The following METTL22 variants were observed in gnomAD, a reference collection of about 807,000 sequenced individuals.
METTL22 encodes methyltransferase-like protein 22.
In METTL22, 51 loss-of-function variants were observed where a neutral mutation model predicts 48.4. The ratio of observed to expected loss-of-function variants is 1.05; its 90% CI spans 0.84 to 1.33. The LOEUF (loss-of-function observed/expected upper bound fraction) is 1.33. Ranked by LOEUF, METTL22 falls within the 40% of genes most tolerant of loss-of-function variation. The probability of loss-of-function intolerance (pLI) is 0.00; values close to 1 mark genes in which losing one functional copy is unlikely to be tolerated. For synonymous variants in METTL22, 255 were observed against 214.1 expected (o/e 1.19, Z -1.67); for missense variants, 678 against 526.9 (o/e 1.29, Z -2.81).
intron 3 of METTL22, among the ~76,000 whole-genome samples, chr16:8,632,854 G>A (rs1407473778): frequency 1.3e-5 from 2 of 152,182 alleles, no homozygotes; most frequent in Non-Finnish European, 2.9e-5. Context: ...TCCCTCAAGG[G>A]AAGCTAGCCA....
intron 1 of METTL22, among the ~76,000 whole-genome samples, chr16:8,623,089 G>A (rs980641025): frequency 2.0e-5 from 3 of 152,014 alleles, no homozygotes; most frequent in African/African-American, 7.2e-5. Context: ...CAAGGTAGAT[G>A]GATCTACCTT....
the METTL22 span, among the ~76,000 whole-genome samples, chr16:8,660,733 G>A: frequency 3.3e-5 from 5 of 149,270 alleles, no homozygotes; most frequent in African/African-American, 9.9e-5. Flanking sequence ...GAATGAGGGC[G>A]GTCGCTGCTT....
the METTL22 span, among the ~76,000 whole-genome samples, chr16:8,657,818 T>G: frequency 7.0e-6 from 1 of 143,576 alleles, no homozygotes; most frequent in Non-Finnish European, 1.5e-5. Context: ...TTCTTTTCTT[T>G]TCTTTCTTTT....
downstream of METTL22, among the ~76,000 whole-genome samples, chr16:8,653,248 G>A (rs1334333524): frequency 1.3e-5 from 2 of 152,278 alleles, no homozygotes; most frequent in South Asian, 4.2e-4. Flanking sequence ...ACAGTTTTGT[G>A]AATTTTAACC....
the METTL22 span, chr16:8,667,054 C>G: frequency 6.6e-6 from 1 of 152,120 alleles, no homozygotes; most frequent in South Asian, 2.1e-4. Context: ...CCTCAGCCCC[C>G]AAAAGTGCTG....
chr16:8,648,284 AC>A lies in METTL22; in HGVS notation c.*2142del, dbSNP rs2056839351. 1 of 150,208 alleles carries A rather than the reference AC, an allele frequency of 6.7e-6. No individual in the cohort carries two copies. Among genetic ancestry groups the A allele is most frequent in the African/African-American group, 2.5e-5 (1 of 40,586 alleles). The allele number at this position is 150,208 out of a possible 1,614,324, so 9.3% of individuals were successfully genotyped here. The stretch of plus-strand genomic sequence containing the variant: ...AAGGTTGCAGTGAGCCAAGATCGCA[AC>A]ACTGCCCTCCAGCCTGGGCAACAGA... On this transcript the variant is annotated 3_prime_UTR_variant, in exon 11 of 11. Transcript: ENST00000381920.
intron 5 of METTL22, among the ~76,000 whole-genome samples, chr16:8,638,575 G>T (rs2056494348): frequency 6.6e-6 from 1 of 152,102 alleles, no homozygotes; most frequent in Non-Finnish European, 1.5e-5. Flanking sequence ...TCTGCTCTGT[G>T]TTCTGACGAA....
intron 10 of METTL22, 73 bp downstream of exon 10, chr16:8,644,798 A>T (rs777918782): frequency 2.0e-5 from 28 of 1,418,582 alleles, no homozygotes; most frequent in Non-Finnish European, 2.4e-5. Context: ...CAAAGAGGTG[A>T]TGAAGCAAGC....
downstream of METTL22, among the ~76,000 whole-genome samples, chr16:8,653,206 G>T (rs1324957440): frequency 6.6e-6 from 1 of 152,188 alleles, no homozygotes; most frequent in Non-Finnish European, 1.5e-5. Context: ...TCTAACACTA[G>T]TTACTGATAA....
At chr16:8,666,764 T>TTTTCTTTC in the METTL22 span, 62 of 146,528 alleles carry the variant, frequency 4.2e-4, no homozygotes, top group African/African-American at 1.4e-3. Flanking sequence ...CCTGATTTTC[T>TTTTCTTTC]TTTCTTTCTT....
Position 8,629,105 on chromosome 16 carries a change from G to A in METTL22, c.509G>A (p.Arg170Lys). The A allele has an allele frequency of 1.9e-6, 3 of 1,612,142 alleles. No individual in the cohort carries two copies. The highest frequency in any genetic ancestry group is 2.5e-6 in the Non-Finnish European group (3 of 1,179,544). The change falls in exon 3 of 11, where the codon AGA becomes AAA. Residue 170 changes from arginine to lysine, a missense_variant. Physicochemically the swap from Arg to Lys is conservative, Grantham distance 26. Coordinates refer to ENST00000381920, the MANE Select transcript of METTL22 (RefSeq NM_024109.4). ...EAQGSPHDII[R>K]IEHTMATPLE... Reference sequence around the variant, plus strand: ...CAAGGCAGCCCGCACGATATCATCAGAATAGGTAAATAGAGGTGTGATGTG... The same window carrying A: ...CAAGGCAGCCCGCACGATATCATCAAAATAGGTAAATAGAGGTGTGATGTG...
At chr16:8,641,332 G>A (rs1232278330) in intron 7 of METTL22, 148 bp downstream of exon 7, 15 of 771,404 alleles carry the variant, frequency 1.9e-5, no homozygotes, top group Admixed American at 1.0e-4. Flanking sequence ...TCCATTGGCC[G>A]ATGAGCACCA....
At position 8,634,948 on chromosome 16, in the gene METTL22, G is replaced by T. The variant is rs530519244; in HGVS notation, c.515-91G>T. Reference sequence around the variant, plus strand: ...TCCAACCTCTGACGCCCATCTGACCGTGCTGGCGGTTGCCACACTGTCCTG... The same window carrying T: ...TCCAACCTCTGACGCCCATCTGACCTTGCTGGCGGTTGCCACACTGTCCTG... On this transcript the variant is annotated intron_variant, in intron 3 of 10. Transcript: ENST00000381920. 126 of 1,541,616 alleles carry T rather than the reference G, an allele frequency of 8.2e-5. 3 individuals are homozygous for T. In the South Asian group the frequency reaches 1.4e-3, roughly 17 times the overall value.
At chr16:8,635,417 G>A (rs897893543) in intron 5 of METTL22, 105 bp downstream of exon 5, 8 of 1,387,338 alleles carry the variant, frequency 5.8e-6, no homozygotes, top group East Asian at 2.4e-5. Flanking sequence ...GATGTTAGCT[G>A]TTGTTGATTT....
chr16:8,640,130 A>T (rs2056551277), intron 6 of METTL22, among the ~76,000 whole-genome samples: 1 of 152,164 alleles, frequency 6.6e-6, no homozygotes, highest in South Asian at 2.1e-4. Flanking sequence ...TTCCCACCGG[A>T]CTACAAGCTC....
chr16:8,651,080 A>G (rs1052480928), downstream of METTL22, among the ~76,000 whole-genome samples: 1 of 151,752 alleles, frequency 6.6e-6, no homozygotes, highest in African/African-American at 2.4e-5. Context: ...TTCTTCACAG[A>G]ATTATTGTAA....
chr16:8,655,900 G>A, the METTL22 span, among the ~76,000 whole-genome samples: 12 of 152,216 alleles, frequency 7.9e-5, no homozygotes, highest in African/African-American at 2.9e-4. Context: ...AGGGCTGAGG[G>A]TGATGCCTAG....
chr16:8,644,040 G>A (rs2056705729), intron 9 of METTL22, among the ~76,000 whole-genome samples: 1 of 152,178 alleles, frequency 6.6e-6, no homozygotes, highest in African/African-American at 2.4e-5. Context: ...GTTTTGAAAG[G>A]CAAGTGGCAG....
the METTL22 span, among the ~76,000 whole-genome samples, chr16:8,658,239 A>G: frequency 2.0e-5 from 3 of 152,202 alleles, no homozygotes; most frequent in African/African-American, 4.8e-5. Flanking sequence ...CAGAAACTGG[A>G]AGAGGCAAGG....
Sources: gnomAD v4.1 joint callset for allele counts (sites outside exome capture counted in the v4.1 genomes callset) on GRCh38, gnomAD v4.1.1 for gene constraint, MANE v1.5 for transcripts, NCBI Gene and HGNC (gene_info 2026-07-23, HGNC 2026-07-21) for gene names.